ZNF407: variants seen among roughly 807,000 people sequenced by gnomAD.
ZNF407 encodes the protein zinc finger protein 407.
In ZNF407, 17 loss-of-function variants were observed where a neutral mutation model predicts 131.2. The observed-to-expected ratio is 0.13, with a 90% CI of 0.09 to 0.19. The LOEUF (loss-of-function observed/expected upper bound fraction) is 0.19. Among genes scored for constraint, ZNF407 ranks in the 10% least tolerant of loss-of-function variants. The pLI is 1.00. For synonymous variants in ZNF407, 1,156 were observed against 1,062.0 expected (o/e 1.09, Z -1.72); for missense variants, 2,681 against 2,830.6 (o/e 0.95, Z 1.20).
chr18:75,038,145 T>C (rs1394105836), intron 8 of ZNF407, among the ~76,000 whole-genome samples: 1 of 152,220 alleles, frequency 6.6e-6, no homozygotes, highest in Admixed American at 6.5e-5. Flanking sequence ...ACATAAAGCT[T>C]TGTGGGTTTA....
chr18:74,679,566 C>T (rs1385734831), intron 3 of ZNF407, among the ~76,000 whole-genome samples: 3 of 152,204 alleles, frequency 2.0e-5, no homozygotes, highest in African/African-American at 7.2e-5. Flanking sequence ...TTAATGGTGA[C>T]ATAATCTCTT....
chr18:74,673,803 C>T (rs1481005448), intron 3 of ZNF407, among the ~76,000 whole-genome samples: 1 of 152,162 alleles, frequency 6.6e-6, no homozygotes, highest in African/African-American at 2.4e-5. Flanking sequence ...ATTTTGTATT[C>T]ACCTTTGTAT....
chr18:74,704,578 G>C (rs1484795307), intron 3 of ZNF407, among the ~76,000 whole-genome samples: 1 of 152,040 alleles, frequency 6.6e-6, no homozygotes, highest in Non-Finnish European at 1.5e-5. Context: ...TAAATAAATG[G>C]TTCTTTTATT....
At chr18:74,941,801 G>A (rs1486765801) in intron 8 of ZNF407, among the ~76,000 whole-genome samples, 5 of 152,138 alleles carry the variant, frequency 3.3e-5, no homozygotes, top group Admixed American at 6.5e-5. Context: ...AAAAACTTTC[G>A]CAACAACGGT....
chr18:74,853,016 A>G (rs1970811019), intron 4 of ZNF407, among the ~76,000 whole-genome samples: 1 of 152,198 alleles, frequency 6.6e-6, no homozygotes, highest in South Asian at 2.1e-4. Flanking sequence ...TTCCTTAAGG[A>G]ACAAGAAACT....
chr18:74,918,425 G>T (rs1234683887), intron 7 of ZNF407, among the ~76,000 whole-genome samples: 2 of 152,194 alleles, frequency 1.3e-5, no homozygotes, highest in Non-Finnish European at 2.9e-5. Context: ...GGTCATGCTT[G>T]CCTTCGAAGT....
chr18:74,856,985 T>A (rs1315676595), intron 4 of ZNF407, among the ~76,000 whole-genome samples: 1 of 152,140 alleles, frequency 6.6e-6, no homozygotes, highest in African/African-American at 2.4e-5. Flanking sequence ...AATGATACAG[T>A]TTTTCTAATT....
chr18:74,598,640 G>T (rs1301823711), intron 1 of ZNF407: 1 of 152,286 alleles, frequency 6.6e-6, no homozygotes, highest in Non-Finnish European at 1.5e-5. Flanking sequence ...CGAAAGCACC[G>T]CGGTGGCAGC....
At chr18:74,966,390 A>G (rs1162869158) in intron 8 of ZNF407, among the ~76,000 whole-genome samples, 2 of 152,150 alleles carry the variant, frequency 1.3e-5, no homozygotes, top group African/African-American at 2.4e-5. Context: ...GTGGATATCT[A>G]GTTTTCCCAG....
intron 8 of ZNF407, among the ~76,000 whole-genome samples, chr18:74,978,336 A>G (rs1972551001): frequency 1.3e-5 from 2 of 152,194 alleles, no homozygotes; most frequent in Non-Finnish European, 2.9e-5. Flanking sequence ...ACCTCATCAA[A>G]TAGGTCGTAA....
At chr18:74,788,277 A>G (rs1969759029) in intron 4 of ZNF407, among the ~76,000 whole-genome samples, 1 of 152,122 alleles carries the variant, frequency 6.6e-6, no homozygotes, top group East Asian at 1.9e-4. Flanking sequence ...TTTGAGTAAA[A>G]CCAATATTTT....
At chr18:75,016,193 C>A (rs1973042239) in intron 8 of ZNF407, among the ~76,000 whole-genome samples, 1 of 151,942 alleles carries the variant, frequency 6.6e-6, no homozygotes, top group South Asian at 2.1e-4. Context: ...TGATTTGTGT[C>A]CTCATGCAGA....
At position 74,800,896 on chromosome 18, in the gene ZNF407, G is replaced by A. The variant is rs183047347; in HGVS notation, c.4877+19394G>A. Among the ~76,000 whole-genome samples, 70 of 152,116 alleles carry A rather than the reference G, an allele frequency of 4.6e-4. 1 individual carries two copies. In the East Asian group the frequency reaches 0.012, roughly 26 times the overall value. ...TTTGTCAGGTTATTGTTTCAGGATGGAAATAATTATGACCATTATTTGTAA... is the reference window on the plus strand; with the variant it reads ...TTTGTCAGGTTATTGTTTCAGGATGAAAATAATTATGACCATTATTTGTAA... On this transcript the variant is annotated intron_variant, in intron 4 of 8. Coordinates refer to ENST00000299687, the MANE Select transcript of ZNF407 (RefSeq NM_017757.3).
At chr18:74,937,282 T>G (rs1972049684) in intron 8 of ZNF407, among the ~76,000 whole-genome samples, 1 of 152,246 alleles carries the variant, frequency 6.6e-6, no homozygotes, top group Non-Finnish European at 1.5e-5. Flanking sequence ...GCAATCACTA[T>G]TTGCCAGATA....
chr18:74,622,770 G>GAT (rs1983575919), intron 1 of ZNF407, among the ~76,000 whole-genome samples: 1 of 151,832 alleles, frequency 6.6e-6, no homozygotes, highest in Non-Finnish European at 1.5e-5. Flanking sequence ...ATTTGTGTGT[G>GAT]AGAGTGCGCG....
chr18:75,004,294 T>C (rs1972881569), intron 8 of ZNF407, among the ~76,000 whole-genome samples: 2 of 152,158 alleles, frequency 1.3e-5, no homozygotes, highest in Non-Finnish European at 2.9e-5. Context: ...TTGGGGCTAA[T>C]TTAGGATAGG....
In ZNF407 at chr18:74,794,574, A is replaced by G. The variant is rs564980563; in HGVS notation, c.4877+13072A>G. Among the ~76,000 whole-genome samples, 14 of 152,302 alleles carry G rather than the reference A, an allele frequency of 9.2e-5. No individual in the cohort carries two copies. The South Asian group carries it at 2.9e-3, about 32-fold the overall frequency. ...CGTTGCTTATTGCAGAATAATATAG[A>G]ATCATGCAATTTTGGATTTTAAGAG... On this transcript the variant is annotated intron_variant, in intron 4 of 8. Transcript: ENST00000299687.
chr18:74,612,067 A>T (rs941520207), intron 1 of ZNF407, among the ~76,000 whole-genome samples: 1 of 152,174 alleles, frequency 6.6e-6, no homozygotes. Flanking sequence ...GATTGAGTGA[A>T]TGTTAGCTGC....
At chr18:74,873,968 T>G (rs541610385) in intron 4 of ZNF407, among the ~76,000 whole-genome samples, 2 of 152,336 alleles carry the variant, frequency 1.3e-5, no homozygotes, top group South Asian at 2.1e-4. Flanking sequence ...TGACTTTGTT[T>G]CCTTTTGAAA....
Sources: allele counts gnomAD v4.1 joint callset (sites outside exome capture counted in the v4.1 genomes callset), GRCh38; gene constraint gnomAD v4.1.1; transcripts MANE v1.5; gene names NCBI Gene and HGNC (gene_info 2026-07-23, HGNC 2026-07-21).